KIRREL3: variants seen among roughly 807,000 people sequenced by gnomAD.
KIRREL3 encodes kirre like nephrin family adhesion molecule 3.
KIRREL3 carries 36 observed loss-of-function variants against 89.7 expected under a neutral mutation model. The ratio of observed to expected loss-of-function variants is 0.40; its 90% confidence interval spans 0.31 to 0.53. KIRREL3 has a LOEUF of 0.53. Among genes scored for constraint, KIRREL3 ranks in the 20% least tolerant of loss-of-function variants. The probability of loss-of-function intolerance (pLI) is 0.49; values close to 1 mark genes in which losing one functional copy is unlikely to be tolerated. For missense variants in KIRREL3, 864 were observed against 1,056.6 expected (o/e 0.82, Z 2.53); for synonymous variants, 445 against 441.4 (o/e 1.01, Z -0.10).
At chr11:126,469,142 C>T (rs1434435092) in intron 5 of KIRREL3, among the ~76,000 whole-genome samples, 2 of 152,168 alleles carry the variant, frequency 1.3e-5, no homozygotes, top group Non-Finnish European at 2.9e-5. Flanking sequence ...CAGGGAGGCA[C>T]GGCAAGGTGA....
chr11:126,456,443 C>G lies in KIRREL3; in HGVS notation c.754G>C (p.Val252Leu). 6.3e-7 allele frequency: 1 copy of G among 1,580,182 alleles called. No individual in the cohort carries two copies. The highest frequency in any genetic ancestry group is 1.3e-5 in the African/African-American group (1 of 74,286). ...GGCTGTGGCTCCACCGAGAGGTTGA[C>G]CAGTGGAGGGTCTGCAGGGAGAGGA... is the stretch of plus-strand genomic sequence containing the variant. ...VTIDIQHPPLVNLSVEPQPVL... is the reference protein window; with the variant it reads ...VTIDIQHPPLLNLSVEPQPVL... The change falls in exon 7 of 17, where the codon GTC becomes CTC. Residue 252 changes from valine to leucine, a missense_variant. By Grantham distance (32) the Val-to-Leu change is conservative. Coordinates refer to ENST00000525144, the MANE Select transcript of KIRREL3 (RefSeq NM_032531.4).
At chr11:126,986,068 A>G (rs1949858455) in intron 1 of KIRREL3, among the ~76,000 whole-genome samples, 1 of 152,062 alleles carries the variant, frequency 6.6e-6, no homozygotes, top group Non-Finnish European at 1.5e-5. Flanking sequence ...CCATCACTAC[A>G]GTACTCAGCC....
At position 126,531,117 on chromosome 11, in the gene KIRREL3, C is replaced by G. The variant is rs1394298524; in HGVS notation, c.134-4430G>C. On this transcript the variant is annotated intron_variant, in intron 2 of 16. Transcript: ENST00000525144. This position sits in a 1 kb window ranked among gnomAD's most constrained non-coding sequence, Gnocchi z 4.7. ...TGTTGGGATTACGAGCGTGAGCCAC[C>G]ATGCCCGGCCCCATGCTTTGTTTTG... Among the ~76,000 whole-genome samples, 1 of 152,130 alleles carries G rather than the reference C, an allele frequency of 6.6e-6. No homozygotes were observed. Among genetic ancestry groups the G allele is most frequent in the African/African-American group, 2.4e-5 (1 of 41,442 alleles).
In KIRREL3 at chr11:126,429,002, G is replaced by A. The variant is rs1046634577; in HGVS notation, c.1806+177C>T. Among the ~76,000 whole-genome samples the A allele has an allele frequency of 3.3e-5, 5 of 152,136 alleles. No homozygotes were observed. Among genetic ancestry groups the A allele is most frequent in the African/African-American group, 1.2e-4 (5 of 41,410 alleles). ...CCAGAACACAAGCACAGTACAGCAG[G>A]CACACACTCACATTTGTTGGCTGAG... On this transcript the variant is annotated intron_variant, in intron 15 of 16. Coordinates refer to ENST00000525144, the MANE Select transcript of KIRREL3 (RefSeq NM_032531.4). The surrounding 1 kb of genome is among the most constrained non-coding windows in gnomAD (Gnocchi z 5.2).
In KIRREL3 at chr11:126,909,710, T is replaced by A. The variant is rs191501126; in HGVS notation, c.55+90745A>T. On this transcript the variant is annotated intron_variant, in intron 1 of 16. Coordinates refer to ENST00000525144, the MANE Select transcript of KIRREL3 (RefSeq NM_032531.4). The surrounding 1 kb of genome is among the most constrained non-coding windows in gnomAD (Gnocchi z 4.5). ...CTCCATAACCCTAGGGGAGGCAGGA[T>A]CTTGACCTCAGAGATGACCTTTTGC... is the stretch of plus-strand genomic sequence containing the variant. Among the ~76,000 whole-genome samples, 17 of 152,258 alleles carry A rather than the reference T, an allele frequency of 1.1e-4. No homozygotes were observed. Among genetic ancestry groups the A allele is most frequent in the Admixed American group, 9.1e-4 (14 of 15,304 alleles).
At chr11:126,941,791 G>A (rs1948456635) in intron 1 of KIRREL3, among the ~76,000 whole-genome samples, 1 of 152,158 alleles carries the variant, frequency 6.6e-6, no homozygotes, top group Admixed American at 6.5e-5. Flanking sequence ...AGGCCTCCAG[G>A]GATCTATCTC....
chr11:126,962,251 C>G (rs76825735), intron 1 of KIRREL3, among the ~76,000 whole-genome samples: 1 of 152,098 alleles, frequency 6.6e-6, no homozygotes. Context: ...AATTGAAAAC[C>G]TATTGGAAAG....
At chr11:126,867,000 G>A (rs865929652) in intron 1 of KIRREL3, among the ~76,000 whole-genome samples, 3 of 152,166 alleles carry the variant, frequency 2.0e-5, no homozygotes, top group South Asian at 2.1e-4. Context: ...CTGTCCTTGC[G>A]ATAAGGCAGA....
intron 11 of KIRREL3, 197 bp downstream of exon 11, chr11:126,440,252 G>A: frequency 1.4e-6 from 1 of 704,794 alleles, no homozygotes; most frequent in South Asian, 1.5e-5. Context: ...CCCTGGGAGA[G>A]CACTGCCTGT....
chr11:126,920,977 G>T (rs1276969406), intron 1 of KIRREL3, among the ~76,000 whole-genome samples: 1 of 152,222 alleles, frequency 6.6e-6, no homozygotes, highest in Non-Finnish European at 1.5e-5. Flanking sequence ...TTATTTCTGG[G>T]TGTGTCTGTG....
intron 1 of KIRREL3, among the ~76,000 whole-genome samples, chr11:126,825,649 T>C (rs1225673119): frequency 6.6e-6 from 1 of 152,248 alleles, no homozygotes; most frequent in Admixed American, 6.5e-5. Flanking sequence ...ACTACATTCC[T>C]GTTAGAAGTT....
rs1347492953 is a variant in KIRREL3 at position 126,908,688 on chromosome 11, T to A, written c.55+91767A>T. The stretch of plus-strand genomic sequence containing the variant: ...TTAACAAGTATTAAAGGGCTTCCCA[T>A]ACACCAGAAACTGGGGATTCCACAG... On this transcript the variant is annotated intron_variant, in intron 1 of 16. Coordinates refer to ENST00000525144, the MANE Select transcript of KIRREL3 (RefSeq NM_032531.4). The surrounding 1 kb of genome is among the most constrained non-coding windows in gnomAD (Gnocchi z 4.2). Among the ~76,000 whole-genome samples, 1 of 152,220 alleles carries A rather than the reference T, an allele frequency of 6.6e-6. No homozygotes were observed. The highest frequency in any genetic ancestry group is 6.5e-5 in the Admixed American group (1 of 15,278).
Position 126,683,375 on chromosome 11 carries a change from G to A in KIRREL3, c.56-120463C>T, listed in dbSNP as rs1946542929. On this transcript the variant is annotated intron_variant, in intron 1 of 16. Coordinates refer to ENST00000525144, the MANE Select transcript of KIRREL3 (RefSeq NM_032531.4). This position sits in a 1 kb window ranked among gnomAD's most constrained non-coding sequence, Gnocchi z 5.2. ...AAGTGGGATCGACCGTGGGGTCTCT[G>A]GACAGCTCCCCAGAGGGCCGTGGTC... Among the ~76,000 whole-genome samples the A allele has an allele frequency of 6.6e-6, 1 of 152,144 alleles. No individual in the cohort carries two copies. Among genetic ancestry groups the A allele is most frequent in the Admixed American group, 6.5e-5 (1 of 15,280 alleles).
At chr11:126,450,080 T>C (rs144402719) in intron 7 of KIRREL3, among the ~76,000 whole-genome samples, 369 of 152,346 alleles carry the variant, frequency 2.4e-3, no homozygotes, top group Middle Eastern at 6.8e-3. Flanking sequence ...ACCCCTGTGT[T>C]GGACCAGTGA....
At chr11:126,511,539 C>T (rs973678410) in intron 4 of KIRREL3, among the ~76,000 whole-genome samples, 38 of 152,152 alleles carry the variant, frequency 2.5e-4, no homozygotes, top group African/African-American at 8.9e-4. Flanking sequence ...TCTTGGCTCC[C>T]GGCTCATGGG....
intron 1 of KIRREL3, among the ~76,000 whole-genome samples, chr11:126,688,145 CTG>C (rs1254577094): frequency 6.6e-6 from 1 of 152,224 alleles, no homozygotes; most frequent in African/African-American, 2.4e-5. Context: ...ATTGCCAACA[CTG>C]TAAATTAGCA....
At chr11:126,437,104 A>T in intron 11 of KIRREL3, 95 bp from the exon 12 acceptor site, 1 of 1,167,314 alleles carries the variant, frequency 8.6e-7, no homozygotes, top group Non-Finnish European at 1.2e-6. Flanking sequence ...GCTCATGTTC[A>T]TGCTCACTGC....
chr11:126,810,763 T>C (rs1410427071), intron 1 of KIRREL3, among the ~76,000 whole-genome samples: 1 of 152,168 alleles, frequency 6.6e-6, no homozygotes, highest in Non-Finnish European at 1.5e-5. Flanking sequence ...TGGGAAGAGA[T>C]GAAGACCTCA....
intron 1 of KIRREL3, among the ~76,000 whole-genome samples, chr11:126,967,053 G>A (rs1949293533): frequency 6.6e-6 from 1 of 152,122 alleles, no homozygotes; most frequent in African/African-American, 2.4e-5. Flanking sequence ...CCAGAGAGCT[G>A]ACAATCTCTT....
Sources: gnomAD v4.1 joint callset for allele counts (sites outside exome capture counted in the v4.1 genomes callset) on GRCh38, gnomAD v4.1.1 for gene constraint, Gnocchi (gnomAD v3.1) non-coding constraint, MANE v1.5 for transcripts, NCBI Gene and HGNC (gene_info 2026-07-23, HGNC 2026-07-21) for gene names.